Variants in DIAPH2 observed in about 807,000 individuals in gnomAD.
DIAPH2 encodes the protein protein diaphanous homolog 2.
A neutral mutation model predicts 92.7 loss-of-function variants in DIAPH2; 35 were observed. The ratio of observed to expected loss-of-function variants is 0.38; its 90% CI spans 0.29 to 0.50. The LOEUF is 0.50. Ranked by LOEUF, DIAPH2 falls within the 20% of genes least tolerant of loss-of-function variation. The pLI is 0.94. For missense variants in DIAPH2, 701 were observed against 819.5 expected, an observed-to-expected ratio of 0.86 and a Z score of 1.77; for synonymous variants, 301 against 280.4, an observed-to-expected ratio of 1.07 and a Z score of -0.73.
At chrX:96,909,391 G>C (rs369145087) in intron 5 of DIAPH2, among the ~76,000 whole-genome samples, 2 of 110,664 alleles carry the variant, frequency 1.8e-5, no homozygotes, top group East Asian at 5.7e-4. Context: ...CTGGGGGAGG[G>C]GGGTGGAGGA....
At chrX:97,376,659 C>T (rs568821410) in intron 24 of DIAPH2, among the ~76,000 whole-genome samples, 7 of 112,055 alleles carry the variant, frequency 6.2e-5, no homozygotes, top group African/African-American at 1.9e-4. Flanking sequence ...CTCATTAAAT[C>T]GCAAACCAAC....
intron 22 of DIAPH2, among the ~76,000 whole-genome samples, chrX:97,212,590 G>GTTTTTTTT (rs57173350): frequency 1.6e-4 from 11 of 67,807 alleles, no homozygotes; most frequent in Admixed American, 1.8e-4. Context: ...AGGGTTTTTT[G>GTTTTTTTT]TTTTTTTTTT....
chrX:97,213,146 CTTGTTTTTG>C (rs1324467574), intron 22 of DIAPH2, among the ~76,000 whole-genome samples: 4 of 111,528 alleles, frequency 3.6e-5, no homozygotes, highest in Non-Finnish European at 1.9e-5. Context: ...AGGAATTGCA[CTTGTTTTTG>C]TTGTTTGAGT....
At chrX:97,515,702 G>A (rs2070941258) in intron 26 of DIAPH2, among the ~76,000 whole-genome samples, 1 of 111,221 alleles carries the variant, frequency 9.0e-6, no homozygotes, top group African/African-American at 3.3e-5. Context: ...CAGAGATAAG[G>A]ATGTTCCTTT....
intron 23 of DIAPH2, among the ~76,000 whole-genome samples, chrX:97,332,338 C>A (rs1328009648): frequency 9.0e-6 from 1 of 111,676 alleles, no homozygotes; most frequent in Admixed American, 9.6e-5. Flanking sequence ...GGCTAAATCT[C>A]TTGCCTCAGT....
intron 22 of DIAPH2, among the ~76,000 whole-genome samples, chrX:97,219,835 T>C (rs1253180457): frequency 8.9e-6 from 1 of 111,989 alleles, no homozygotes; most frequent in Non-Finnish European, 1.9e-5. Context: ...TACTCACCAA[T>C]TGCATATCTT....
intron 26 of DIAPH2, among the ~76,000 whole-genome samples, chrX:97,440,982 C>T: frequency 9.0e-6 from 1 of 111,592 alleles, no homozygotes; most frequent in African/African-American, 3.3e-5. Flanking sequence ...TAAATTTATA[C>T]AAATTTATAA....
chrX:96,959,322 A>G (rs1312049394), intron 16 of DIAPH2, among the ~76,000 whole-genome samples: 2 of 111,852 alleles, frequency 1.8e-5, no homozygotes, highest in Non-Finnish European at 3.8e-5. Context: ...TCTAACTGGC[A>G]TAAGATGCCA....
intron 22 of DIAPH2, among the ~76,000 whole-genome samples, chrX:97,193,188 A>G (rs1405991959): frequency 1.9e-5 from 2 of 107,380 alleles, no homozygotes; most frequent in Non-Finnish European, 3.8e-5. Flanking sequence ...AATTTTTTGC[A>G]TTTTTTGTAG....
chrX:96,892,697 G>C (rs751279605), intron 5 of DIAPH2, among the ~76,000 whole-genome samples: 1 of 111,775 alleles, frequency 8.9e-6, no homozygotes, highest in South Asian at 3.7e-4. Flanking sequence ...GCAAATACTC[G>C]AGTTTTTGAA....
chrX:97,203,578 T>C (rs2067770961), intron 22 of DIAPH2, among the ~76,000 whole-genome samples: 1 of 111,163 alleles, frequency 9.0e-6, no homozygotes, highest in African/African-American at 3.3e-5. Context: ...CTAGAAGAAA[T>C]AGATAAGTTC....
intron 26 of DIAPH2, among the ~76,000 whole-genome samples, chrX:97,537,971 G>A (rs771159811): frequency 1.9e-5 from 2 of 103,438 alleles, no homozygotes; most frequent in East Asian, 6.1e-4. Flanking sequence ...TGCAAGCTCC[G>A]CCTCCCGGGT....
intron 24 of DIAPH2, among the ~76,000 whole-genome samples, chrX:97,379,344 A>G (rs1170519388): frequency 8.9e-6 from 1 of 112,189 alleles, no homozygotes; most frequent in Admixed American, 9.5e-5. Context: ...TTGTCTGTCA[A>G]TGACTGAATT....
chrX:96,703,616 A>C (rs927175446), intron 1 of DIAPH2, among the ~76,000 whole-genome samples: 1 of 111,131 alleles, frequency 9.0e-6, no homozygotes, highest in Admixed American at 9.6e-5. Context: ...TGCTGCTGTC[A>C]AACTGAATGT....
intron 17 of DIAPH2, among the ~76,000 whole-genome samples, chrX:97,059,694 T>C (rs1326801279): frequency 8.9e-6 from 1 of 112,322 alleles, no homozygotes; most frequent in Non-Finnish European, 1.9e-5. Context: ...AAGAAAATTT[T>C]AAGACAGAGA....
intron 25 of DIAPH2, among the ~76,000 whole-genome samples, chrX:97,399,647 A>G (rs2069736320): frequency 8.9e-6 from 1 of 111,864 alleles, no homozygotes; most frequent in Admixed American, 9.5e-5. Flanking sequence ...ATATATAAAT[A>G]AGGTGGTGAG....
chrX:97,135,358 C>A (rs2067163297), intron 21 of DIAPH2, among the ~76,000 whole-genome samples: 2 of 110,199 alleles, frequency 1.8e-5, no homozygotes, highest in Non-Finnish European at 3.8e-5. Flanking sequence ...GCCACCATGC[C>A]CGGCTAATTT....
chrX:97,490,669 G>A lies in DIAPH2; in HGVS notation c.3241+60924G>A, dbSNP rs374884534. On this transcript the variant is annotated intron_variant, in intron 26 of 26. Transcript: ENST00000324765. Reference sequence around the variant, plus strand: ...TTTTAATTTCTTCATTGGCCCATTGGTTTTTAAAGAGTGTGTTGTTTCATT... The same window carrying A: ...TTTTAATTTCTTCATTGGCCCATTGATTTTTAAAGAGTGTGTTGTTTCATT... 1.2e-4 allele frequency among the ~76,000 whole-genome samples: 13 copies of A among 109,061 alleles called. No individual in the cohort carries two copies. The East Asian group carries it at 1.7e-3, about 14-fold the overall frequency. 94.7% of individuals were successfully genotyped at this position (109,061 alleles called of 115,157 possible).
chrX:97,138,644 AAAAT>A (rs1412987557), intron 21 of DIAPH2, among the ~76,000 whole-genome samples: 2 of 112,098 alleles, frequency 1.8e-5, no homozygotes, highest in Non-Finnish European at 3.8e-5. Flanking sequence ...TGCGCTTATT[AAAAT>A]AATATAAAAC....
Sources: allele counts gnomAD v4.1 joint callset (sites outside exome capture counted in the v4.1 genomes callset), GRCh38; gene constraint gnomAD v4.1.1; transcripts MANE v1.5; gene names NCBI Gene and HGNC (gene_info 2026-07-23, HGNC 2026-07-21).